The following TRIM37 variants were observed in gnomAD, a reference collection of about 807,000 sequenced individuals.
TRIM37 encodes E3 ubiquitin-protein ligase TRIM37.
In TRIM37, 80 loss-of-function variants were observed where a neutral mutation model predicts 129.8. That is an observed-to-expected ratio of 0.62 (90% confidence interval 0.51 to 0.74). The LOEUF (loss-of-function observed/expected upper bound fraction) is 0.74. Ranked by LOEUF, TRIM37 falls within the 30% of genes least tolerant of loss-of-function variation. TRIM37 has a pLI of 0.00. For synonymous variants in TRIM37, 389 were observed against 387.1 expected (o/e 1.00, Z -0.06); for missense variants, 1,054 against 1,176.5 (o/e 0.90, Z 1.52).
chr17:59,017,157 C>T (rs1449498658), intron 20 of TRIM37, 139 bp downstream of exon 20: 1 of 1,110,230 alleles, frequency 9.0e-7, no homozygotes, highest in East Asian at 2.5e-5. Flanking sequence ...AAGTGAGACC[C>T]TGTTTCAAAA....
intron 10 of TRIM37, among the ~76,000 whole-genome samples, chr17:59,063,958 A>AGCCTAGGAAACACAGTGAGACCC (rs1407651610): frequency 6.6e-5 from 10 of 152,072 alleles, no homozygotes; most frequent in African/African-American, 2.2e-4. Flanking sequence ...GTTTGAGACC[A>AGCCTAGGAAACACAGTGAGACCC]GCCTAGGAAA....
At chr17:58,973,768 C>T in the TRIM37 span, among the ~76,000 whole-genome samples, 3 of 151,800 alleles carry the variant, frequency 2.0e-5, no homozygotes, top group East Asian at 1.9e-4. Context: ...CTGGCTAACA[C>T]GATGAATCCC....
chr17:58,995,343 G>C (rs973246745), downstream of TRIM37, among the ~76,000 whole-genome samples: 1 of 151,652 alleles, frequency 6.6e-6, no homozygotes, highest in Non-Finnish European at 1.5e-5. Flanking sequence ...GGTTCCTTAG[G>C]AAGTGGTTAA....
Position 59,064,407 on chromosome 17 carries a change from T to TAAA in TRIM37, c.810-5_810-3dup, listed in dbSNP as rs367700401. 1.6e-6 allele frequency: 2 copies of TAAA among 1,257,728 alleles called. No individual in the cohort carries two copies. Among genetic ancestry groups the TAAA allele is most frequent in the East Asian group, 2.8e-5 (1 of 36,018 alleles). 77.9% of individuals were successfully genotyped at this position (1,257,728 alleles called of 1,614,324 possible). ...GAATCGTAAGATGGCACTAATTCAC[T>TAAA]AAAAAAAAAAAGGCAAAAAAAATTA... On this transcript the variant is annotated splice_polypyrimidine_tract_variant and splice_region_variant and intron_variant, in intron 9 of 23. Transcript: ENST00000262294.
At chr17:59,063,362 T>C (rs2041663347) in intron 10 of TRIM37, among the ~76,000 whole-genome samples, 1 of 152,092 alleles carries the variant, frequency 6.6e-6, no homozygotes, top group African/African-American at 2.4e-5. Flanking sequence ...GTATTTTTAG[T>C]AGAGACGGGG....
chr17:59,013,257 C>T (rs968351529), intron 21 of TRIM37, among the ~76,000 whole-genome samples: 2 of 152,122 alleles, frequency 1.3e-5, no homozygotes, highest in East Asian at 3.9e-4. Context: ...GATTCTCCTG[C>T]CTCAGCCTCC....
the TRIM37 span, among the ~76,000 whole-genome samples, chr17:58,975,905 A>T: frequency 6.6e-6 from 1 of 152,226 alleles, no homozygotes; most frequent in African/African-American, 2.4e-5. Flanking sequence ...GGAGGGTATC[A>T]ACTGATGAGA....
At chr17:59,021,739 T>C (rs1368750033) in intron 19 of TRIM37, among the ~76,000 whole-genome samples, 1 of 152,140 alleles carries the variant, frequency 6.6e-6, no homozygotes, top group Non-Finnish European at 1.5e-5. Flanking sequence ...CAATAATTTA[T>C]TGTACTTCTG....
Position 59,075,612 on chromosome 17 carries a change from T to C in TRIM37, c.684+35A>G, listed in dbSNP as rs2042751986. The C allele has an allele frequency of 2.3e-6, 3 of 1,285,254 alleles. No homozygotes were observed. The East Asian group carries it at 7.1e-5, about 30-fold the overall frequency. 79.6% of individuals were successfully genotyped at this position (1,285,254 alleles called of 1,614,324 possible). A position where few individuals can be genotyped will look rare whatever the true frequency, so the allele number is the denominator to read the frequency against. On this transcript the variant is annotated intron_variant, in intron 8 of 23. Transcript: ENST00000262294. ...ACTACAGTATACAGAGAAAAAAGGA[T>C]AAAGACTATTTCATTACATTTAATA...
At chr17:58,989,568 A>T (rs1364959667) in intron 24 of TRIM37, among the ~76,000 whole-genome samples, 1 of 152,252 alleles carries the variant, frequency 6.6e-6, no homozygotes, top group Non-Finnish European at 1.5e-5. Flanking sequence ...GACATGAAAA[A>T]TGCCAAAACA....
At chr17:59,023,011 T>C (rs536077883) in intron 19 of TRIM37, among the ~76,000 whole-genome samples, 2 of 152,290 alleles carry the variant, frequency 1.3e-5, no homozygotes, top group South Asian at 4.1e-4. Context: ...AGATTGAATA[T>C]ATTACTATAC....
At chr17:59,066,675 A>G (rs2041945078) in intron 9 of TRIM37, among the ~76,000 whole-genome samples, 2 of 152,230 alleles carry the variant, frequency 1.3e-5, no homozygotes. Flanking sequence ...AGGTACTGTG[A>G]TATACTTTTA....
At chr17:59,033,965 G>A (rs2038173656) in intron 17 of TRIM37, among the ~76,000 whole-genome samples, 1 of 151,814 alleles carries the variant, frequency 6.6e-6, no homozygotes. Flanking sequence ...AGAATAGCCA[G>A]GTGTGGTGGC....
At chr17:58,972,770 T>G in the TRIM37 span, 1 of 1,402,268 alleles carries the variant, frequency 7.1e-7, no homozygotes, top group Non-Finnish European at 1.0e-6. Flanking sequence ...TGTTTACTGT[T>G]AAAGTAAATG....
chr17:59,072,618 C>A (rs1037026189), intron 8 of TRIM37, among the ~76,000 whole-genome samples: 1 of 151,876 alleles, frequency 6.6e-6, no homozygotes, highest in South Asian at 2.1e-4. Flanking sequence ...CGTGGTGGCA[C>A]GTGCCTGTAG....
intron 16 of TRIM37, 141 bp from the exon 17 acceptor site, chr17:59,042,039 T>C (rs934979616): frequency 1.5e-6 from 1 of 680,440 alleles, no homozygotes; most frequent in Admixed American, 2.6e-5. Context: ...ATTTTTGTCA[T>C]TTTCCAAATT....
chr17:58,967,851 T>C, the TRIM37 span, among the ~76,000 whole-genome samples: 1 of 151,656 alleles, frequency 6.6e-6, no homozygotes, highest in Non-Finnish European at 1.5e-5. Flanking sequence ...GTCTCCAGGC[T>C]GGAGTGAAGT....
intron 24 of TRIM37, among the ~76,000 whole-genome samples, chr17:58,991,397 G>A (rs753578125): frequency 1.2e-3 from 185 of 152,052 alleles, no homozygotes; most frequent in Middle Eastern, 3.4e-3. Context: ...TTAGCTGCGC[G>A]TGGTGGCAGG....
At chr17:59,056,334 AC>A (rs1317280813) in intron 13 of TRIM37, among the ~76,000 whole-genome samples, 6 of 152,022 alleles carry the variant, frequency 3.9e-5, no homozygotes, top group Non-Finnish European at 8.8e-5. Flanking sequence ...GCACCACTGC[AC>A]CCAGCTTATC....
Sources: allele counts gnomAD v4.1 joint callset (sites outside exome capture counted in the v4.1 genomes callset), GRCh38; gene constraint gnomAD v4.1.1; transcripts MANE v1.5; gene names NCBI Gene and HGNC (gene_info 2026-07-23, HGNC 2026-07-21).